NXF3: variants seen among roughly 807,000 people sequenced by gnomAD.
NXF3 encodes nuclear RNA export factor 3.
In NXF3, 34 loss-of-function variants were observed where a neutral mutation model predicts 48.4. That is an observed-to-expected ratio of 0.70 (90% CI 0.53 to 0.93). The LOEUF (loss-of-function observed/expected upper bound fraction) is 0.93, where lower values mean the gene tolerates loss of function less well. Ranked by LOEUF, NXF3 falls within the 40% of genes least tolerant of loss-of-function variation. The pLI is 0.00. For missense variants in NXF3, 359 were observed against 406.1 expected, an observed-to-expected ratio of 0.88 and a Z score of 1.00; for synonymous variants, 132 against 145.7, an observed-to-expected ratio of 0.91 and a Z score of 0.68.
intron 5 of NXF3, 44 bp downstream of exon 5, chrX:103,083,354 C>T: frequency 8.6e-7 from 1 of 1,167,077 alleles, no homozygotes; most frequent in Non-Finnish European, 1.2e-6. Flanking sequence ...CCTTGCCCTG[C>T]CCTCTTGCTC....
intron 18 of NXF3, among the ~76,000 whole-genome samples, chrX:103,077,296 G>T (rs1221075192): frequency 2.0e-5 from 2 of 97,896 alleles, no homozygotes; most frequent in Non-Finnish European, 4.0e-5. Context: ...TGTTGCCCAG[G>T]CTGGAGTGGA....
chrX:103,076,244 G>A lies in NXF3; in HGVS notation c.*46C>T, dbSNP rs1569278836. ...GGCCTGAATTCCTAGACCTCACCTT[G>A]GGCCATGCAAGAACATGAGGAGCTC... On this transcript the variant is annotated 3_prime_UTR_variant, in exon 19 of 20. Coordinates refer to ENST00000395065, the MANE Select transcript of NXF3 (RefSeq NM_022052.2). 1.7e-6 allele frequency: 2 copies of A among 1,201,679 alleles called. No homozygotes were observed. The highest frequency in any genetic ancestry group is 2.3e-6 in the Non-Finnish European group (2 of 886,600).
At chrX:103,084,271 T>C in intron 3 of NXF3, 71 bp downstream of exon 3, 1 of 1,128,732 alleles carries the variant, frequency 8.9e-7, no homozygotes, top group East Asian at 3.0e-5. Context: ...GTATCTAGTG[T>C]CCACACAAAT....
chrX:103,080,731 G>T, intron 9 of NXF3, 119 bp from the exon 10 acceptor site: 1 of 686,853 alleles, frequency 1.5e-6, no homozygotes, highest in Non-Finnish European at 2.3e-6. Context: ...ACACTCCGAA[G>T]TTCCTGCCTC....
chrX:103,092,900 C>T (rs1342093044), intron 1 of NXF3, 96 bp downstream of exon 1: 10 of 867,213 alleles, frequency 1.2e-5, no homozygotes, highest in South Asian at 6.7e-5. Flanking sequence ...GGGAGATTGG[C>T]TGGGTGTTAT....
intron 1 of NXF3, chrX:103,087,930 T>C: frequency 2.1e-6 from 2 of 946,424 alleles, no homozygotes; most frequent in Non-Finnish European, 3.0e-6. Flanking sequence ...TTTGAGCTCT[T>C]TTATTAAAGA....
At chrX:103,078,407 G>A (rs1912652304) in intron 17 of NXF3, among the ~76,000 whole-genome samples, 153 bp downstream of exon 17, 1 of 112,169 alleles carries the variant, frequency 8.9e-6, no homozygotes, top group Non-Finnish European at 1.9e-5. Context: ...GATTACAGGC[G>A]TGAGCCACTG....
In NXF3 at chrX:103,082,779, T is replaced by C. The variant is rs750280190; in HGVS notation, c.761A>G (p.His254Arg). ...RKCMAASLDV[H>R]EENIPTVMSA... ...CCTCACTGTAGGTATGTTCTCTTCA[T>C]GGACGTCCAGGGAGGCAGCCATGCA... Residue 254 changes from histidine (H) to arginine (R), a missense_variant, in exon 8 of 20, where the codon CAT (histidine) becomes CGT (arginine). Physicochemically the swap from His to Arg is conservative, Grantham distance 29. Coordinates refer to ENST00000395065, the MANE Select transcript of NXF3 (RefSeq NM_022052.2). 5 of 1,206,562 alleles carry C rather than the reference T, an allele frequency of 4.1e-6. No individual in the cohort carries two copies. The highest frequency in any genetic ancestry group is 5.6e-6 in the Non-Finnish European group (5 of 891,995).
chrX:103,076,249 A>G lies in NXF3; in HGVS notation c.*41T>C. On this transcript the variant is annotated 3_prime_UTR_variant, in exon 19 of 20. Transcript: ENST00000395065. ...GAATTCCTAGACCTCACCTTGGGCCATGCAAGAACATGAGGAGCTCTGACG... is the reference window on the plus strand; with the variant it reads ...GAATTCCTAGACCTCACCTTGGGCCGTGCAAGAACATGAGGAGCTCTGACG... 8.3e-7 allele frequency: 1 copy of G among 1,204,696 alleles called. No individual in the cohort carries two copies. Among genetic ancestry groups the G allele is most frequent in the Non-Finnish European group, 1.1e-6 (1 of 889,210 alleles).
chrX:103,087,872 A>T (rs1198321899), intron 1 of NXF3: 5 of 986,335 alleles, frequency 5.1e-6, no homozygotes, highest in Non-Finnish European at 7.1e-6. Context: ...TTTAAGATTC[A>T]AAGCAAACTT....
At chrX:103,087,870 T>C (rs1234879013) in intron 1 of NXF3, 1 of 984,381 alleles carries the variant, frequency 1.0e-6, no homozygotes, top group East Asian at 3.1e-5. Context: ...GTTTTAAGAT[T>C]CAAAGCAAAC....
In NXF3 at chrX:103,082,309, C is replaced by T. The variant is rs376714718; in HGVS notation, c.836G>A (p.Cys279Tyr). 5.0e-6 allele frequency: 6 copies of T among 1,208,055 alleles called. 1 individual carries two copies. The highest frequency in any genetic ancestry group is 6.7e-6 in the Non-Finnish European group (6 of 894,105). ...CGTGCACACTGGGCTTCTGTCCGCA[C>T]ACTTCTCTCCTGGCTCTATCCCTTT... Reference protein sequence around the residue: ...KWKGIEPGEKCADRSPVCTTF... With the variant: ...KWKGIEPGEKYADRSPVCTTF... Residue 279 changes from cysteine to tyrosine, a missense_variant, in exon 9 of 20, where the codon TGT becomes TAT. Cys to Tyr is a radical substitution (Grantham distance 194). Coordinates refer to ENST00000395065, the MANE Select transcript of NXF3 (RefSeq NM_022052.2).
At chrX:103,083,805 C>T in intron 3 of NXF3, 113 bp from the exon 4 acceptor site, 1 of 504,679 alleles carries the variant, frequency 2.0e-6, no homozygotes, top group Non-Finnish European at 3.4e-6. Context: ...TAAGATAGGA[C>T]AACATCCATT....
In NXF3 at chrX:103,082,803, C is replaced by A. The variant is rs1164856837; in HGVS notation, c.737G>T (p.Cys246Phe). The change falls in exon 8 of 20, where the codon TGC becomes TTC. Residue 246 changes from cysteine (C) to phenylalanine (F), a missense_variant. Cys to Phe is a radical substitution (Grantham distance 205). Transcript: ENST00000395065. Reference protein sequence around the residue: ...DTKMASNPRKCMAASLDVHEE... With the variant: ...DTKMASNPRKFMAASLDVHEE... ...ATGGACGTCCAGGGAGGCAGCCATGCACTTTCTAGGATTCGATGCCATCTT... is the reference window on the plus strand; with the variant it reads ...ATGGACGTCCAGGGAGGCAGCCATGAACTTTCTAGGATTCGATGCCATCTT... The A allele has an allele frequency of 8.3e-7, 1 of 1,208,798 alleles. No individual in the cohort carries two copies. The highest frequency in any genetic ancestry group is 1.8e-5 in the African/African-American group (1 of 57,112).
chrX:103,093,011 A>G lies in NXF3; in HGVS notation c.13T>C (p.Ser5Pro), dbSNP rs1251061261. 4.1e-6 allele frequency: 5 copies of G among 1,208,107 alleles called. No individual in the cohort carries two copies. The Admixed American group carries it at 1.1e-4, about 26-fold the overall frequency. Reference protein sequence around the residue: MSLPSGHTTGHTDQV... With the variant: MSLPPGHTTGHTDQV... ...GCCAACTCACCCGTAGTGTGTCCTGAAGGCAGTGACATTTTACCAATGTCC... is the reference window on the plus strand; with the variant it reads ...GCCAACTCACCCGTAGTGTGTCCTGGAGGCAGTGACATTTTACCAATGTCC... The change falls in exon 1 of 20, where the codon TCA (serine) becomes CCA (proline). Residue 5 changes from serine (S) to proline (P), a missense_variant. Physicochemically the swap from Ser to Pro is moderately conservative, Grantham distance 74 (BLOSUM62 -1). Coordinates refer to ENST00000395065, the MANE Select transcript of NXF3 (RefSeq NM_022052.2).
Position 103,080,083 on chromosome X carries a change from C to G in NXF3, c.997-15G>C, listed in dbSNP as rs1340649023. 1 of 1,209,905 alleles carries G rather than the reference C, an allele frequency of 8.3e-7. No individual in the cohort carries two copies. Among genetic ancestry groups the G allele is most frequent in the Non-Finnish European group, 1.1e-6 (1 of 894,091 alleles). On this transcript the variant is annotated splice_polypyrimidine_tract_variant and intron_variant, in intron 11 of 19. Transcript: ENST00000395065. ...AAGAAGCTTCCCTGGAATAAAGAGT[C>G]CCCAGGACCACAGATGGTACCCCCC...
intron 9 of NXF3, chrX:103,080,878 T>C (rs1402113655): frequency 5.3e-6 from 2 of 377,341 alleles, no homozygotes; most frequent in Non-Finnish European, 9.4e-6. Flanking sequence ...AGGGCTCTGC[T>C]ACCTCACTGG....
rs138836415 is a variant in NXF3, at chrX:103,080,339, C to T, written c.928-123G>A. The T allele has an allele frequency of 5.7e-4, 426 of 743,793 alleles. 2 individuals carry two copies. The African/African-American group carries it at 8.4e-3, about 15-fold the overall frequency. The allele number at this position is 743,793 out of a possible 1,213,427, so 61.3% of individuals were successfully genotyped here. A position where few individuals can be genotyped will look rare whatever the true frequency, so the allele number is the denominator to read the frequency against. ...AGGTGTGAAAGCGTTCTGGAAATTA[C>T]GTGGGCAAGACTACAGTCGGGATTG... is the stretch of plus-strand genomic sequence containing the variant. On this transcript the variant is annotated intron_variant, in intron 10 of 19. Transcript: ENST00000395065.
intron 9 of NXF3, chrX:103,080,892 T>A (rs984531213): frequency 2.8e-6 from 1 of 363,222 alleles, no homozygotes; most frequent in African/African-American, 2.5e-5. Context: ...TCACTGGATG[T>A]CCGTCAGTCT....
Sources: allele counts gnomAD v4.1 joint callset (sites outside exome capture counted in the v4.1 genomes callset), GRCh38; gene constraint gnomAD v4.1.1; transcripts MANE v1.5; gene names NCBI Gene and HGNC (gene_info 2026-07-23, HGNC 2026-07-21).